The following NPAS3 variants were observed in gnomAD, a reference collection of about 807,000 sequenced individuals.
NPAS3 encodes neuronal PAS domain-containing protein 3.
In NPAS3, 14 loss-of-function variants were observed where a neutral mutation model predicts 73.1. That is an observed-to-expected ratio of 0.19 (90% confidence interval 0.13 to 0.30). NPAS3 has a LOEUF of 0.30. Among genes scored for constraint, NPAS3 ranks in the 10% least tolerant of loss-of-function variants. NPAS3 has a pLI of 1.00. For synonymous variants in NPAS3, 620 were observed against 541.5 expected (o/e 1.14, Z -2.01); for missense variants, 1,096 against 1,250.0 (o/e 0.88, Z 1.86).
intron 6 of NPAS3, among the ~76,000 whole-genome samples, chr14:33,722,157 A>G (rs542543458): frequency 2.6e-5 from 4 of 152,222 alleles, no homozygotes; most frequent in African/African-American, 7.2e-5. Flanking sequence ...ATCCAACATA[A>G]CATCGAAGTG....
At chr14:33,043,180 T>C (rs895459803) in intron 1 of NPAS3, among the ~76,000 whole-genome samples, 6 of 152,172 alleles carry the variant, frequency 3.9e-5, no homozygotes, top group African/African-American at 1.4e-4. Flanking sequence ...AAAAGATTTA[T>C]GATAAGAACA....
intron 3 of NPAS3, among the ~76,000 whole-genome samples, chr14:33,275,085 T>C (rs2041267350): frequency 6.6e-6 from 1 of 152,126 alleles, no homozygotes; most frequent in Admixed American, 6.6e-5. Flanking sequence ...TCTTTAAAGA[T>C]CCAAGGGTAA....
intron 2 of NPAS3, among the ~76,000 whole-genome samples, chr14:33,196,768 A>G (rs1434049239): frequency 6.6e-6 from 1 of 152,234 alleles, no homozygotes; most frequent in Admixed American, 6.5e-5. Context: ...TACATTTAGC[A>G]CACAGTAACA....
chr14:33,565,025 T>C (rs1315535936), intron 5 of NPAS3, among the ~76,000 whole-genome samples: 1 of 152,156 alleles, frequency 6.6e-6, no homozygotes, highest in African/African-American at 2.4e-5. Flanking sequence ...AGGTATTTCC[T>C]GACTATTGTA....
chr14:33,627,036 A>G (rs1377462940), intron 5 of NPAS3, among the ~76,000 whole-genome samples: 1 of 152,040 alleles, frequency 6.6e-6, no homozygotes, highest in East Asian at 1.9e-4. Flanking sequence ...GTATATATAT[A>G]TATGCATTAT....
chr14:33,035,638 T>A (rs2040140793), intron 1 of NPAS3, among the ~76,000 whole-genome samples: 1 of 152,222 alleles, frequency 6.6e-6, no homozygotes, highest in South Asian at 2.1e-4. Flanking sequence ...AAATGCTTTT[T>A]ATCACTTGGC....
chr14:33,419,590 T>C (rs917061306), intron 4 of NPAS3, among the ~76,000 whole-genome samples: 1 of 151,942 alleles, frequency 6.6e-6, no homozygotes, highest in Non-Finnish European at 1.5e-5. Flanking sequence ...GAAACATCCT[T>C]GTTTAGTGAC....
chr14:33,076,786 A>G lies in NPAS3; in HGVS notation c.140+20792A>G, dbSNP rs116510922. Among the ~76,000 whole-genome samples the G allele has an allele frequency of 9.0e-3, 1,365 of 152,300 alleles. 15 individuals carry two copies. Among genetic ancestry groups the G allele is most frequent in the African/African-American group, 0.031 (1,284 of 41,546 alleles). On this transcript the variant is annotated intron_variant, in intron 2 of 11. Coordinates refer to ENST00000356141, the Ensembl canonical transcript of NPAS3. ...CTTTCATCTTTATCTGATTAATCCA[A>G]AGCAATGTGTTAGTACAAAAAAGTA...
intron 2 of NPAS3, among the ~76,000 whole-genome samples, chr14:33,169,286 G>T (rs1396764609): frequency 6.6e-6 from 1 of 151,950 alleles, no homozygotes; most frequent in Non-Finnish European, 1.5e-5. Context: ...TTTCAGAGTG[G>T]GCCGGGCACG....
rs528963552 is a variant in NPAS3, at chr14:33,547,570, C to T, written c.469-12551C>T. Among the ~76,000 whole-genome samples, 27 of 152,280 alleles carry T rather than the reference C, an allele frequency of 1.8e-4. No homozygotes were observed. The South Asian group carries it at 5.6e-3, about 32-fold the overall frequency. ...GGCTGCGAAGTACGGTCCACGCTCTCCCTGCAGCCATCAGCCCCTCTTTCA... is the reference window on the plus strand; with the variant it reads ...GGCTGCGAAGTACGGTCCACGCTCTTCCTGCAGCCATCAGCCCCTCTTTCA... On this transcript the variant is annotated intron_variant, in intron 4 of 11. Transcript: ENST00000356141.
At chr14:33,514,617 T>C (rs995900235) in intron 4 of NPAS3, among the ~76,000 whole-genome samples, 1 of 152,052 alleles carries the variant, frequency 6.6e-6, no homozygotes, top group South Asian at 2.1e-4. Flanking sequence ...ACAAATTGAA[T>C]TTGAAATTAG....
chr14:33,113,772 T>G lies in NPAS3; in HGVS notation c.140+57778T>G, dbSNP rs977089621. 4.6e-5 allele frequency among the ~76,000 whole-genome samples: 7 copies of G among 152,196 alleles called. No individual in the cohort carries two copies. The South Asian group carries it at 1.2e-3, about 27-fold the overall frequency. On this transcript the variant is annotated intron_variant, in intron 2 of 11. Coordinates refer to ENST00000356141, the Ensembl canonical transcript of NPAS3. ...GCTTTCAAAGGGAATGCTTCCAGTT[T>G]TTGCCCATTCAGTGTGATATTGGCT... is the stretch of plus-strand genomic sequence containing the variant.
intron 4 of NPAS3, among the ~76,000 whole-genome samples, chr14:33,432,858 AC>A (rs1213730717): frequency 2.6e-5 from 4 of 152,216 alleles, no homozygotes; most frequent in African/African-American, 4.8e-5. Flanking sequence ...AGATAATCGT[AC>A]TAAATGAACA....
At chr14:33,009,390 A>G (rs755916488) in intron 1 of NPAS3, among the ~76,000 whole-genome samples, 7 of 152,172 alleles carry the variant, frequency 4.6e-5, no homozygotes, top group South Asian at 2.1e-4. Flanking sequence ...TTGGGCCTCA[A>G]TGCAAAGTTT....
intron 1 of NPAS3, among the ~76,000 whole-genome samples, chr14:32,984,970 C>A (rs575765337): frequency 6.6e-6 from 1 of 152,262 alleles, no homozygotes; most frequent in African/African-American, 2.4e-5. Flanking sequence ...GACTTGATAT[C>A]TATGTTGCAA....
At chr14:33,236,206 T>C (rs1297709431) in intron 3 of NPAS3, among the ~76,000 whole-genome samples, 2 of 152,014 alleles carry the variant, frequency 1.3e-5, no homozygotes, top group African/African-American at 2.4e-5. Context: ...TTTAGATGCT[T>C]GTGCTTGTCC....
chr14:33,669,660 C>T (rs956949994), intron 5 of NPAS3, among the ~76,000 whole-genome samples: 1 of 152,140 alleles, frequency 6.6e-6, no homozygotes. Context: ...TATACACACG[C>T]TATTTCTAGA....
At chr14:33,667,211 T>G (rs150006510) in intron 5 of NPAS3, among the ~76,000 whole-genome samples, 3 of 152,320 alleles carry the variant, frequency 2.0e-5, no homozygotes, top group Non-Finnish European at 4.4e-5. Context: ...AGCGGCCACA[T>G]TCCAAGCACT....
At chr14:33,074,920 A>G (rs972158772) in intron 2 of NPAS3, among the ~76,000 whole-genome samples, 4 of 152,216 alleles carry the variant, frequency 2.6e-5, no homozygotes, top group Admixed American at 6.5e-5. Context: ...TTCTACCTCC[A>G]TTAGATGATA....
Sources: gnomAD v4.1 joint callset for allele counts (sites outside exome capture counted in the v4.1 genomes callset) on GRCh38, gnomAD v4.1.1 for gene constraint, MANE v1.5 for transcripts, NCBI Gene and HGNC (gene_info 2026-07-23, HGNC 2026-07-21) for gene names.